Variants in CACNA2D3 observed in about 807,000 individuals in gnomAD.
CACNA2D3 encodes the protein calcium voltage-gated channel auxiliary subunit alpha2delta 3.
In CACNA2D3, 60 loss-of-function variants were observed where a neutral mutation model predicts 160.6. The ratio of observed to expected loss-of-function variants is 0.37; its 90% confidence interval spans 0.30 to 0.46. CACNA2D3 has a LOEUF of 0.46. Among genes scored for constraint, CACNA2D3 ranks in the 20% least tolerant of loss-of-function variants. CACNA2D3 has a pLI of 1.00. For missense variants in CACNA2D3, 1,205 were observed against 1,365.0 expected (o/e 0.88, Z 1.85); for synonymous variants, 558 against 492.9 (o/e 1.13, Z -1.75).
At chr3:55,067,104 G>A (rs1355929297) in intron 35 of CACNA2D3, among the ~76,000 whole-genome samples, 1 of 151,254 alleles carries the variant, frequency 6.6e-6, no homozygotes, top group Non-Finnish European at 1.5e-5. Context: ...TTTGTAGCGG[G>A]GGGGGCTTTT....
intron 2 of CACNA2D3, among the ~76,000 whole-genome samples, chr3:54,241,829 C>CT (rs1701979214): frequency 6.6e-6 from 1 of 152,164 alleles, no homozygotes; most frequent in South Asian, 2.1e-4. Context: ...AACACAGTTG[C>CT]TTTTATGTAA....
At chr3:54,476,864 C>A (rs1053121814) in intron 4 of CACNA2D3, among the ~76,000 whole-genome samples, 3 of 152,126 alleles carry the variant, frequency 2.0e-5, no homozygotes, top group African/African-American at 7.2e-5. Flanking sequence ...AAGGCAGTTT[C>A]ACAAATTTCT....
At chr3:54,517,637 C>A (rs561344091) in intron 5 of CACNA2D3, among the ~76,000 whole-genome samples, 1 of 152,194 alleles carries the variant, frequency 6.6e-6, no homozygotes, top group South Asian at 2.1e-4. Flanking sequence ...CTGACAGTGA[C>A]GTCAGCAGTA....
chr3:54,688,322 CCTT>C (rs1165231398), intron 11 of CACNA2D3, among the ~76,000 whole-genome samples: 1 of 152,078 alleles, frequency 6.6e-6, no homozygotes, highest in East Asian at 1.9e-4. Flanking sequence ...TAATTTATTT[CCTT>C]CTTTTTTTCC....
At chr3:54,249,678 C>A (rs1702147188) in intron 2 of CACNA2D3, among the ~76,000 whole-genome samples, 2 of 151,238 alleles carry the variant, frequency 1.3e-5, no homozygotes, top group Admixed American at 1.3e-4. Flanking sequence ...CACACACACA[C>A]ACACACACAC....
At chr3:54,822,790 C>T (rs201305544) in intron 14 of CACNA2D3, among the ~76,000 whole-genome samples, 2,743 of 71,524 alleles carry the variant, frequency 0.038, 124 homozygotes, top group East Asian at 0.064. Context: ...TTCTTTCTTT[C>T]CTTTCTTTCT....
chr3:54,867,131 G>A lies in CACNA2D3; in HGVS notation c.1627-4408G>A, dbSNP rs533520287. 5.4e-4 allele frequency among the ~76,000 whole-genome samples: 82 copies of A among 152,238 alleles called. 1 individual carries two copies. The highest frequency in any genetic ancestry group is 9.1e-4 in the Non-Finnish European group (62 of 67,998). ...ATGCCATACACGATGCTTAGGCCCC[G>A]GTAACCAACTCCTCACGCAGAAGAA... On this transcript the variant is annotated intron_variant, in intron 17 of 37. Transcript: ENST00000474759.
At chr3:54,973,919 T>A (rs908254685) in intron 29 of CACNA2D3, among the ~76,000 whole-genome samples, 3 of 152,200 alleles carry the variant, frequency 2.0e-5, no homozygotes, top group Non-Finnish European at 4.4e-5. Flanking sequence ...CACCTTCCTG[T>A]GCCTGATGTA....
At chr3:54,429,044 G>A (rs1338324579) in intron 4 of CACNA2D3, among the ~76,000 whole-genome samples, 2 of 152,196 alleles carry the variant, frequency 1.3e-5, no homozygotes, top group Admixed American at 6.5e-5. Flanking sequence ...GATGTACCTG[G>A]AGGAAGATGC....
At chr3:54,379,860 T>C (rs1384262870) in intron 3 of CACNA2D3, among the ~76,000 whole-genome samples, 1 of 152,222 alleles carries the variant, frequency 6.6e-6, no homozygotes, top group Non-Finnish European at 1.5e-5. Flanking sequence ...CTCATTGAAA[T>C]AGCTATTTTC....
At chr3:54,394,142 C>A (rs896128519) in intron 4 of CACNA2D3, among the ~76,000 whole-genome samples, 1 of 152,018 alleles carries the variant, frequency 6.6e-6, no homozygotes, top group Admixed American at 6.5e-5. Context: ...GGGCTCAAAT[C>A]GTCAGAGCAC....
chr3:54,663,189 C>T (rs78652106), intron 11 of CACNA2D3, among the ~76,000 whole-genome samples: 25 of 152,302 alleles, frequency 1.6e-4, no homozygotes, highest in African/African-American at 4.8e-4. Context: ...GTCCTTGCTG[C>T]GGCTGATGTT....
chr3:54,400,715 T>C (rs1408687201), intron 4 of CACNA2D3, among the ~76,000 whole-genome samples: 3 of 152,052 alleles, frequency 2.0e-5, no homozygotes, highest in African/African-American at 4.8e-5. Context: ...CCCTACCAAA[T>C]TGGCACAGTA....
Position 54,435,286 on chromosome 3 carries a change from C to T in CACNA2D3, c.381+48512C>T, listed in dbSNP as rs569163465. Among the ~76,000 whole-genome samples the T allele has an allele frequency of 5.9e-5, 9 of 152,228 alleles. No individual in the cohort carries two copies. In the South Asian group the frequency reaches 1.7e-3, roughly 28 times the overall value. On this transcript the variant is annotated intron_variant, in intron 4 of 37. Coordinates refer to ENST00000474759, the MANE Select transcript of CACNA2D3 (RefSeq NM_018398.3). Reference sequence around the variant, plus strand: ...AAGCAACTTTCGTATGCATTCTGCACCAACAAAGATTGTGTCATCTCTCCG... The same window carrying T: ...AAGCAACTTTCGTATGCATTCTGCATCAACAAAGATTGTGTCATCTCTCCG...
chr3:54,758,312 G>C (rs1278961763), intron 12 of CACNA2D3, among the ~76,000 whole-genome samples: 1 of 152,078 alleles, frequency 6.6e-6, no homozygotes, highest in Non-Finnish European at 1.5e-5. Flanking sequence ...AAATTAAAAT[G>C]TAGTCATAGT....
chr3:54,577,236 A>C (rs1702599955), intron 8 of CACNA2D3, among the ~76,000 whole-genome samples: 1 of 152,150 alleles, frequency 6.6e-6, no homozygotes, highest in East Asian at 1.9e-4. Context: ...CAGTGAGCAA[A>C]TAAAGAAGTG....
intron 27 of CACNA2D3, among the ~76,000 whole-genome samples, chr3:54,964,132 C>T (rs1048628158): frequency 1.1e-4 from 16 of 151,896 alleles, no homozygotes; most frequent in Non-Finnish European, 2.4e-4. Flanking sequence ...ATCTTGGGGT[C>T]GCTGTCCTAG....
chr3:55,045,011 G>A (rs993777635), intron 35 of CACNA2D3, among the ~76,000 whole-genome samples: 8 of 151,968 alleles, frequency 5.3e-5, no homozygotes, highest in Non-Finnish European at 2.9e-5. Context: ...ATTATGTTGT[G>A]GCTTTTTTAC....
chr3:54,182,137 A>G (rs967477633), intron 2 of CACNA2D3, among the ~76,000 whole-genome samples: 7 of 152,320 alleles, frequency 4.6e-5, no homozygotes, highest in African/African-American at 7.2e-5. Context: ...TGTGTTTTCT[A>G]TGCTAGGACT....
Sources: allele counts gnomAD v4.1 joint callset (sites outside exome capture counted in the v4.1 genomes callset), GRCh38; gene constraint gnomAD v4.1.1; transcripts MANE v1.5; gene names NCBI Gene and HGNC (gene_info 2026-07-23, HGNC 2026-07-21).